INO80D: variants seen among roughly 807,000 people sequenced by gnomAD.
INO80D encodes INO80 complex subunit D.
Under a neutral mutation model 87.6 loss-of-function variants are expected in INO80D, and 21 were observed. The observed-to-expected ratio is 0.24, with a 90% CI of 0.17 to 0.35. The LOEUF (loss-of-function observed/expected upper bound fraction) is 0.35, where lower values mean the gene tolerates loss of function less well. Among genes scored for constraint, INO80D ranks in the 10% least tolerant of loss-of-function variants. The pLI is 1.00. For synonymous variants in INO80D, 440 were observed against 491.0 expected, an observed-to-expected ratio of 0.90 and a Z score of 1.37; for missense variants, 982 against 1,280.7, an observed-to-expected ratio of 0.77 and a Z score of 3.56.
rs1487389970 is a variant in INO80D at position 205,996,180 on chromosome 2, T to C, written c.*8188A>G. The C allele has an allele frequency of 6.6e-6, 1 of 152,036 alleles. No individual in the cohort carries two copies. Among genetic ancestry groups the C allele is most frequent in the African/African-American group, 2.4e-5 (1 of 41,416 alleles). 9.4% of individuals were successfully genotyped at this position (152,036 alleles called of 1,614,324 possible). Reference sequence around the variant, plus strand: ...AGTCTCAAAATTCCTATTGATAATATTACCAAAACTTGTATCTTCTGGGAA... The same window carrying C: ...AGTCTCAAAATTCCTATTGATAATACTACCAAAACTTGTATCTTCTGGGAA... On this transcript the variant is annotated 3_prime_UTR_variant, in exon 11 of 11. Coordinates refer to ENST00000403263, the MANE Select transcript of INO80D (RefSeq NM_017759.5).
At chr2:206,067,233 T>C (rs926391806) in intron 1 of INO80D, among the ~76,000 whole-genome samples, 1 of 145,184 alleles carries the variant, frequency 6.9e-6, no homozygotes, top group African/African-American at 2.6e-5. Flanking sequence ...GGCAACAGAG[T>C]GCAACCGTCT....
intron 8 of INO80D, among the ~76,000 whole-genome samples, chr2:206,013,866 A>T (rs1009766461): frequency 2.1e-4 from 30 of 142,622 alleles, no homozygotes; most frequent in Non-Finnish European, 4.2e-4. Flanking sequence ...AAAAAAAAAA[A>T]AGCCTATATT....
At chr2:206,044,710 T>C (rs1173297257) in intron 5 of INO80D, among the ~76,000 whole-genome samples, 1 of 152,182 alleles carries the variant, frequency 6.6e-6, no homozygotes, top group African/African-American at 2.4e-5. Flanking sequence ...TCCTAATCAA[T>C]AGCATATACT....
At chr2:206,025,542 A>AAAAAAAAAATATATATATAT (rs71301548) in intron 6 of INO80D, 2 of 76,936 alleles carry the variant, frequency 2.6e-5, no homozygotes, top group African/African-American at 8.7e-5. Context: ...AAAAAAAAAA[A>AAAAAAAAAATATATATATAT]ATATATATAT....
At chr2:206,083,214 G>A (rs1469801214) in intron 1 of INO80D, among the ~76,000 whole-genome samples, 1 of 152,170 alleles carries the variant, frequency 6.6e-6, no homozygotes, top group East Asian at 1.9e-4. Flanking sequence ...GGTAGGGTGG[G>A]AAAAAGTACA....
intron 9 of INO80D, 110 bp downstream of exon 9, chr2:206,009,467 A>G (rs1688111924): frequency 3.4e-6 from 3 of 879,298 alleles, no homozygotes; most frequent in South Asian, 3.8e-5. Flanking sequence ...CTGATATACT[A>G]AATGGTTTCT....
Position 205,998,575 on chromosome 2 carries a change from T to C in INO80D, c.*5793A>G, listed in dbSNP as rs1687849959. The C allele has an allele frequency of 1.3e-5, 2 of 151,772 alleles. No individual in the cohort carries two copies. The highest frequency in any genetic ancestry group is 2.1e-4 in the South Asian group (1 of 4,810). The allele number at this position is 151,772 out of a possible 1,614,324, so 9.4% of individuals were successfully genotyped here. A position where few individuals can be genotyped will look rare whatever the true frequency, so the allele number is the denominator to read the frequency against. ...AATTTATGAGGTGATGTTAATAGCA[T>C]AAATTAATATACCTTTTCTCTTAAA... is the stretch of plus-strand genomic sequence containing the variant. On this transcript the variant is annotated 3_prime_UTR_variant, in exon 11 of 11. Transcript: ENST00000403263.
chr2:206,062,899 C>T lies in INO80D; in HGVS notation c.118G>A (p.Val40Ile), dbSNP rs370234647. The T allele has an allele frequency of 1.7e-5, 27 of 1,613,382 alleles. No homozygotes were observed. Among genetic ancestry groups the T allele is most frequent in the Non-Finnish European group, 2.3e-5 (27 of 1,179,794 alleles). Reference sequence around the variant, plus strand: ...AAGGGGGCAGTCTTGTCCTCCAGAACGTGTCTGATACAGAAGGCGTAGCCG... The same window carrying T: ...AAGGGGGCAGTCTTGTCCTCCAGAATGTGTCTGATACAGAAGGCGTAGCCG... Reference protein sequence around the residue: ...LNGYAFCIRHVLEDKTAPFKQ... With the variant: ...LNGYAFCIRHILEDKTAPFKQ... The change falls in exon 3 of 11, where the codon GTT becomes ATT. Residue 40 changes from valine to isoleucine, a missense_variant. Physicochemically the swap from Val to Ile is conservative, Grantham distance 29. Transcript: ENST00000403263. The surrounding 1 kb of genome is among the most constrained non-coding windows in gnomAD (Gnocchi z 4.6).
intron 5 of INO80D, among the ~76,000 whole-genome samples, chr2:206,044,560 G>A (rs1340760822): frequency 6.7e-6 from 1 of 150,202 alleles, no homozygotes; most frequent in Non-Finnish European, 1.5e-5. Flanking sequence ...TAATCAAAGA[G>A]GAAGCAAGTT....
rs1689529307 is a variant in INO80D, at chr2:206,056,611, G to C, written c.551C>G (p.Thr184Arg). Residue 184 changes from threonine to arginine, a missense_variant, in exon 4 of 11, where the codon ACA (threonine) becomes AGA (arginine). Physicochemically the swap from Thr to Arg is moderately conservative, Grantham distance 71. Transcript: ENST00000403263. Reference protein sequence around the residue: ...LAQNRQRQRETEILKVRQEHF... With the variant: ...LAQNRQRQREREILKVRQEHF... ...CTCTTGTCGAACTTTTAAAATCTCTGTCTCTCTCTGGCGCTGCCGATTCTG... is the reference window on the plus strand; with the variant it reads ...CTCTTGTCGAACTTTTAAAATCTCTCTCTCTCTCTGGCGCTGCCGATTCTG... 1.9e-6 allele frequency: 3 copies of C among 1,609,992 alleles called. No individual in the cohort carries two copies. The highest frequency in any genetic ancestry group is 1.7e-5 in the Admixed American group (1 of 59,086).
In INO80D at chr2:206,047,951, C is replaced by A. The variant is rs529505510; in HGVS notation, c.965-1339G>T. Among the ~76,000 whole-genome samples, 10 of 151,336 alleles carry A rather than the reference C, an allele frequency of 6.6e-5. No individual in the cohort carries two copies. The East Asian group carries it at 2.0e-3, about 30-fold the overall frequency. On this transcript the variant is annotated intron_variant, in intron 4 of 10. Coordinates refer to ENST00000403263, the MANE Select transcript of INO80D (RefSeq NM_017759.5). Reference sequence around the variant, plus strand: ...TTGCAAGCTCCGCCTCCTGGGTTCACGCCATTCTCCTGCCTCAGCCTCCCG... The same window carrying A: ...TTGCAAGCTCCGCCTCCTGGGTTCAAGCCATTCTCCTGCCTCAGCCTCCCG...
In INO80D at chr2:206,056,373, A is replaced by T; in HGVS notation, c.789T>A (p.Pro263=). 1 of 1,613,920 alleles carries T rather than the reference A, an allele frequency of 6.2e-7. No individual in the cohort carries two copies. Among genetic ancestry groups the T allele is most frequent in the Non-Finnish European group, 8.5e-7 (1 of 1,179,866 alleles). The change falls in exon 4 of 11, where the codon CCT becomes CCA. Residue 263 remains proline (P), a synonymous_variant. Transcript: ENST00000403263. ...CCCTACTGGATGGCAGGAGGGGCAGAGGCCTCTTGTGAGACAACTGCCGTG... is the reference window on the plus strand; with the variant it reads ...CCCTACTGGATGGCAGGAGGGGCAGTGGCCTCTTGTGAGACAACTGCCGTG... ...AQARQLSHKR[P]LPLLPSSRAP... is the part of the protein sequence containing the mutation.
intron 7 of INO80D, 89 bp downstream of exon 7, chr2:206,019,647 A>C: frequency 2.3e-6 from 2 of 861,118 alleles, no homozygotes; most frequent in South Asian, 3.5e-5. Context: ...ATGGTTTCAA[A>C]AGTCATTCAC....
chr2:206,011,078 CAA>C lies in INO80D; in HGVS notation c.1543-1286_1543-1285del, dbSNP rs5838007. Among the ~76,000 whole-genome samples the C allele has an allele frequency of 3.9e-3, 370 of 95,594 alleles. 1 individual carries two copies. Among genetic ancestry groups the C allele is most frequent in the East Asian group, 0.024 (59 of 2,450 alleles). The allele number at this position is 95,594 out of a possible 152,430, so 62.7% of individuals were successfully genotyped here. A position where few individuals can be genotyped will look rare whatever the true frequency, so the allele number is the denominator to read the frequency against. On this transcript the variant is annotated intron_variant, in intron 8 of 10. Transcript: ENST00000403263. ...GGGCAACAAAAGCGAAACTCAGTCT[CAA>C]AAAAAAAAAAAAAAAAGGCTACTTC...
chr2:206,053,934 G>C (rs1403354872), intron 4 of INO80D, among the ~76,000 whole-genome samples: 1 of 151,758 alleles, frequency 6.6e-6, no homozygotes, highest in Non-Finnish European at 1.5e-5. Flanking sequence ...CCGCCTCCTG[G>C]GTTCAAGCAA....
In INO80D at chr2:205,998,073, T is replaced by C. The variant is rs1687840142; in HGVS notation, c.*6295A>G. 6.6e-6 allele frequency: 1 copy of C among 152,198 alleles called. No homozygotes were observed. The highest frequency in any genetic ancestry group is 1.5e-5 in the Non-Finnish European group (1 of 68,014). The allele number at this position is 152,198 out of a possible 1,614,324, so 9.4% of individuals were successfully genotyped here. ...AAGACACTGAGAACATCTAGATTTA[T>C]TATTTTCTCTATTTTACTTCCCAAC... On this transcript the variant is annotated 3_prime_UTR_variant, in exon 11 of 11. Coordinates refer to ENST00000403263, the MANE Select transcript of INO80D (RefSeq NM_017759.5).
intron 1 of INO80D, among the ~76,000 whole-genome samples, chr2:206,078,749 A>G (rs1690192475): frequency 6.6e-6 from 1 of 152,104 alleles, no homozygotes; most frequent in Non-Finnish European, 1.5e-5. Flanking sequence ...GTTCAAGACT[A>G]GCCTGGCCAA....
Position 206,003,961 on chromosome 2 carries a change from A to ACGCTGCCGACGAG in INO80D, c.*406_*407insCTCGTCGGCAGCG. ...CTGTCTCTTATACAGGAACTCAATT[A>ACGCTGCCGACGAG]ATAAGATCATTCTATCTAGAACCAC... On this transcript the variant is annotated 3_prime_UTR_variant, in exon 11 of 11. Coordinates refer to ENST00000403263, the MANE Select transcript of INO80D (RefSeq NM_017759.5). The ACGCTGCCGACGAG allele has an allele frequency of 5.2e-6, 1 of 192,556 alleles. No homozygotes were observed. Among genetic ancestry groups the ACGCTGCCGACGAG allele is most frequent in the Admixed American group, 5.4e-5 (1 of 18,570 alleles). The allele number at this position is 192,556 out of a possible 1,614,324, so 11.9% of individuals were successfully genotyped here. A position where few individuals can be genotyped will look rare whatever the true frequency, so the allele number is the denominator to read the frequency against.
intron 8 of INO80D, among the ~76,000 whole-genome samples, chr2:206,014,157 CAAA>C (rs34155962): frequency 0.3 from 38,304 of 128,956 alleles, 5,500 homozygotes; most frequent in Admixed American, 0.37. Context: ...AACTCCATCT[CAAA>C]AAAAAAAAAA....
Sources: gnomAD v4.1 joint callset for allele counts (sites outside exome capture counted in the v4.1 genomes callset) on GRCh38, gnomAD v4.1.1 for gene constraint, Gnocchi (gnomAD v3.1) non-coding constraint, MANE v1.5 for transcripts, NCBI Gene and HGNC (gene_info 2026-07-23, HGNC 2026-07-21) for gene names.